PPP2R5E: variants seen among roughly 807,000 people sequenced by gnomAD.
PPP2R5E encodes the protein protein phosphatase 2 regulatory subunit B'epsilon, also known as serine/threonine-protein phosphatase 2A 56 kDa regulatory subunit epsilon isoform.
A neutral mutation model predicts 65.3 loss-of-function variants in PPP2R5E; 4 were observed. That is an observed-to-expected ratio of 0.06 (90% CI 0.03 to 0.14). The LOEUF (loss-of-function observed/expected upper bound fraction) is 0.14, where lower values mean the gene tolerates loss of function less well. Ranked by LOEUF, PPP2R5E falls within the 10% of genes least tolerant of loss-of-function variation. The pLI is 1.00. For missense variants in PPP2R5E, 274 were observed against 556.1 expected, an observed-to-expected ratio of 0.49 and a Z score of 5.10; for synonymous variants, 183 against 187.4, an observed-to-expected ratio of 0.98 and a Z score of 0.19.
At chr14:63,517,557 C>T (rs556561350) in intron 2 of PPP2R5E, among the ~76,000 whole-genome samples, 5 of 152,260 alleles carry the variant, frequency 3.3e-5, no homozygotes, top group Admixed American at 1.3e-4. Context: ...TTCTTCCTTA[C>T]GTAAACCATC....
At chr14:63,422,226 T>G in intron 3 of PPP2R5E, 132 bp from the exon 4 acceptor site, 1 of 704,584 alleles carries the variant, frequency 1.4e-6, no homozygotes, top group Non-Finnish European at 2.4e-6. Flanking sequence ...AATAAGGACC[T>G]CTTTCTATAG....
At chr14:63,512,082 A>T (rs867116681) in intron 2 of PPP2R5E, among the ~76,000 whole-genome samples, 29,002 of 123,244 alleles carry the variant, frequency 0.24, 3,500 homozygotes, top group African/African-American at 0.34. Flanking sequence ...CTGCGGTAAA[A>T]AAAAAAAAAA....
intron 2 of PPP2R5E, among the ~76,000 whole-genome samples, chr14:63,471,432 G>A (rs963805278): frequency 6.6e-5 from 10 of 152,128 alleles, no homozygotes; most frequent in Admixed American, 2.6e-4. Flanking sequence ...AAAAAGATAC[G>A]CATTCTAAAG....
At chr14:63,391,179 T>C (rs928150874) in intron 10 of PPP2R5E, among the ~76,000 whole-genome samples, 4 of 152,066 alleles carry the variant, frequency 2.6e-5, no homozygotes, top group South Asian at 2.1e-4. Flanking sequence ...GGACACCTGA[T>C]TGGGGCCTGG....
At chr14:63,488,225 C>A (rs1047801774) in intron 2 of PPP2R5E, among the ~76,000 whole-genome samples, 1 of 151,644 alleles carries the variant, frequency 6.6e-6, no homozygotes, top group African/African-American at 2.4e-5. Flanking sequence ...TGAGACAGGG[C>A]CTTGCTCTGT....
chr14:63,377,303 A>G (rs1399734959), intron 13 of PPP2R5E, among the ~76,000 whole-genome samples: 5 of 152,238 alleles, frequency 3.3e-5, no homozygotes, highest in Admixed American at 1.3e-4. Flanking sequence ...CTTCAGCCAC[A>G]GTACAATTTC....
intron 2 of PPP2R5E, among the ~76,000 whole-genome samples, chr14:63,462,077 T>C (rs902863406): frequency 7.3e-5 from 11 of 150,914 alleles, no homozygotes; most frequent in Middle Eastern, 3.4e-3. Flanking sequence ...AACTGTATTT[T>C]TTTTTTTTTT....
chr14:63,473,882 T>A (rs561450574), intron 2 of PPP2R5E, among the ~76,000 whole-genome samples: 2 of 152,184 alleles, frequency 1.3e-5, no homozygotes, highest in South Asian at 4.1e-4. Context: ...AAGAAAATAG[T>A]GAAAGGTAAA....
intron 2 of PPP2R5E, among the ~76,000 whole-genome samples, chr14:63,508,747 C>A (rs1892332371): frequency 6.6e-6 from 1 of 152,222 alleles, no homozygotes; most frequent in Non-Finnish European, 1.5e-5. Context: ...TTATCAGCAC[C>A]CTCTTTCCAC....
chr14:63,475,595 ATT>A (rs1056870523), intron 2 of PPP2R5E, among the ~76,000 whole-genome samples: 8 of 152,222 alleles, frequency 5.3e-5, no homozygotes, highest in African/African-American at 1.9e-4. Flanking sequence ...TACAAAAATT[ATT>A]TATAATCTTT....
intron 3 of PPP2R5E, among the ~76,000 whole-genome samples, chr14:63,434,496 G>A (rs1270170405): frequency 6.6e-6 from 1 of 152,190 alleles, no homozygotes; most frequent in East Asian, 1.9e-4. Context: ...ATAAAGGTCA[G>A]CACTAGAGGT....
chr14:63,416,707 TG>T (rs1566686230), intron 4 of PPP2R5E, among the ~76,000 whole-genome samples: 1 of 150,928 alleles, frequency 6.6e-6, no homozygotes, highest in African/African-American at 2.4e-5. Flanking sequence ...ATTATGTTCC[TG>T]AAAAAAAAAG....
intron 5 of PPP2R5E, among the ~76,000 whole-genome samples, chr14:63,403,918 G>A (rs1457797649): frequency 2.0e-5 from 3 of 152,182 alleles, no homozygotes; most frequent in Non-Finnish European, 4.4e-5. Flanking sequence ...AATGTAGAGA[G>A]GGAGTTATAG....
At chr14:63,438,349 T>C (rs942813694) in intron 3 of PPP2R5E, among the ~76,000 whole-genome samples, 2 of 152,218 alleles carry the variant, frequency 1.3e-5, no homozygotes, top group African/African-American at 4.8e-5. Flanking sequence ...CACCAAGAGC[T>C]GGGATTATCC....
chr14:63,524,240 A>G (rs1010850326), intron 2 of PPP2R5E, among the ~76,000 whole-genome samples: 2 of 152,254 alleles, frequency 1.3e-5, no homozygotes, highest in African/African-American at 4.8e-5. Flanking sequence ...CATGGTGCCT[A>G]CATAACGGAT....
At chr14:63,401,199 G>A (rs1275440268) in intron 5 of PPP2R5E, among the ~76,000 whole-genome samples, 2 of 152,156 alleles carry the variant, frequency 1.3e-5, no homozygotes, top group Non-Finnish European at 2.9e-5. Flanking sequence ...GTATGAGAGA[G>A]AAATATAATA....
intron 2 of PPP2R5E, among the ~76,000 whole-genome samples, chr14:63,536,644 G>A (rs527643538): frequency 2.0e-5 from 3 of 152,292 alleles, no homozygotes; most frequent in Admixed American, 1.3e-4. Flanking sequence ...TGAATTAATG[G>A]ATTAAAAAGT....
chr14:63,436,025 C>T (rs182136891), intron 3 of PPP2R5E, among the ~76,000 whole-genome samples: 449 of 152,316 alleles, frequency 2.9e-3, no homozygotes, highest in Non-Finnish European at 4.9e-3. Flanking sequence ...AGTGCAGGCC[C>T]TCGTACCGCC....
chr14:63,474,261 G>A (rs1488553964), intron 2 of PPP2R5E, among the ~76,000 whole-genome samples: 4 of 152,186 alleles, frequency 2.6e-5, no homozygotes, highest in African/African-American at 9.7e-5. Context: ...CTAACAGACA[G>A]AGAGGGATCA....
Sources: allele counts gnomAD v4.1 joint callset (sites outside exome capture counted in the v4.1 genomes callset), GRCh38; gene constraint gnomAD v4.1.1; transcripts MANE v1.5; gene names NCBI Gene and HGNC (gene_info 2026-07-23, HGNC 2026-07-21).